The following B4GALT5 variants were observed in gnomAD, a reference collection of about 807,000 sequenced individuals.
B4GALT5 encodes beta-1,4-galactosyltransferase 5, also known as UDP-Gal:beta-GlcNAc beta-1,4-galactosyltransferase 5.
Under a neutral mutation model 45.0 loss-of-function variants are expected in B4GALT5, and 11 were observed. The observed-to-expected ratio is 0.24, with a 90% CI of 0.15 to 0.40. The LOEUF (loss-of-function observed/expected upper bound fraction) is 0.40, where lower values mean the gene tolerates loss of function less well. B4GALT5 is among the 10% of genes least tolerant of loss of function. The pLI is 1.00. For missense variants in B4GALT5, 337 were observed against 500.2 expected, an observed-to-expected ratio of 0.67 and a Z score of 3.11; for synonymous variants, 185 against 182.9, an observed-to-expected ratio of 1.01 and a Z score of -0.09.
chr20:49,673,667 G>A (rs1470063034), intron 1 of B4GALT5, among the ~76,000 whole-genome samples: 1 of 152,138 alleles, frequency 6.6e-6, no homozygotes, highest in African/African-American at 2.4e-5. Context: ...ATCAAGTATT[G>A]AAAAGATTAT....
At chr20:49,639,082 G>C (rs2085565351) in intron 7 of B4GALT5, among the ~76,000 whole-genome samples, 1 of 152,038 alleles carries the variant, frequency 6.6e-6, no homozygotes, top group African/African-American at 2.4e-5. Context: ...TTAAATTACT[G>C]TTCACTTGCC....
chr20:49,640,676 C>A lies in B4GALT5; in HGVS notation c.607-11G>T. 1 of 1,578,830 alleles carries A rather than the reference C, an allele frequency of 6.3e-7. No individual in the cohort carries two copies. The highest frequency in any genetic ancestry group is 8.6e-7 in the Non-Finnish European group (1 of 1,167,708). ...GGGTTGGGTACCAACCTAAAAGAAA[C>A]AGAACTTTATCTTTAAAAGAATCTT... is the stretch of plus-strand genomic sequence containing the variant. On this transcript the variant is annotated splice_polypyrimidine_tract_variant and intron_variant, in intron 5 of 8. Transcript: ENST00000371711.
chr20:49,633,715 T>C lies in B4GALT5; in HGVS notation c.*2597A>G, dbSNP rs1386684009. 1.3e-5 allele frequency: 2 copies of C among 152,290 alleles called. No individual in the cohort carries two copies. The highest frequency in any genetic ancestry group is 4.8e-5 in the African/African-American group (2 of 41,456). 9.4% of individuals were successfully genotyped at this position (152,290 alleles called of 1,614,324 possible). A position where few individuals can be genotyped will look rare whatever the true frequency, so the allele number is the denominator to read the frequency against. Reference sequence around the variant, plus strand: ...CCTTTTGCCAACAGTGTGTACTTGATGGTAATTATGGCAACATAGAGCTTC... The same window carrying C: ...CCTTTTGCCAACAGTGTGTACTTGACGGTAATTATGGCAACATAGAGCTTC... On this transcript the variant is annotated 3_prime_UTR_variant, in exon 9 of 9. Coordinates refer to ENST00000371711, the MANE Select transcript of B4GALT5 (RefSeq NM_004776.4).
chr20:49,710,242 AAATATAAGTCC>A (rs1366130348), intron 1 of B4GALT5, among the ~76,000 whole-genome samples: 1 of 152,238 alleles, frequency 6.6e-6, no homozygotes, highest in Non-Finnish European at 1.5e-5. Context: ...ACCTAGAAGG[AAATATAAGTCC>A]AATAATTCCA....
intron 1 of B4GALT5, 101 bp from the exon 2 acceptor site, chr20:49,656,803 A>C: frequency 6.7e-7 from 1 of 1,490,590 alleles, no homozygotes; most frequent in Non-Finnish European, 9.2e-7. Flanking sequence ...TGGACTTTTA[A>C]AGCCTCTTTT....
intron 2 of B4GALT5, among the ~76,000 whole-genome samples, chr20:49,649,929 G>A (rs550489068): frequency 5.9e-5 from 9 of 152,218 alleles, no homozygotes; most frequent in Middle Eastern, 6.8e-3. Context: ...ATTCCCAAAA[G>A]TATTACACTA....
intron 1 of B4GALT5, among the ~76,000 whole-genome samples, chr20:49,709,646 A>G (rs2146364438): frequency 6.6e-6 from 1 of 152,106 alleles, no homozygotes; most frequent in Non-Finnish European, 1.5e-5. Context: ...GCAAGCGCCT[A>G]TAATCCCAGC....
chr20:49,711,423 C>T (rs1414605101), intron 1 of B4GALT5, among the ~76,000 whole-genome samples: 2 of 152,174 alleles, frequency 1.3e-5, no homozygotes, highest in African/African-American at 4.8e-5. Context: ...GGGTGATTAC[C>T]ATCCCAGTGG....
intron 7 of B4GALT5, among the ~76,000 whole-genome samples, chr20:49,639,347 T>A (rs1414480792): frequency 6.6e-6 from 1 of 151,758 alleles, no homozygotes; most frequent in Non-Finnish European, 1.5e-5. Flanking sequence ...TTCTAAAAAC[T>A]TGGATGTGTG....
chr20:49,693,663 A>G (rs1000679697), intron 1 of B4GALT5, among the ~76,000 whole-genome samples: 3 of 152,238 alleles, frequency 2.0e-5, no homozygotes, highest in Non-Finnish European at 4.4e-5. Context: ...TCATCAAGAA[A>G]CAAGCTTACT....
At chr20:49,675,937 G>A (rs2085735273) in intron 1 of B4GALT5, among the ~76,000 whole-genome samples, 1 of 152,104 alleles carries the variant, frequency 6.6e-6, no homozygotes, top group Non-Finnish European at 1.5e-5. Flanking sequence ...GCTGCACTAT[G>A]AGGCTACACT....
intron 1 of B4GALT5, among the ~76,000 whole-genome samples, chr20:49,680,977 T>G (rs1327477566): frequency 6.6e-6 from 1 of 151,954 alleles, no homozygotes; most frequent in Non-Finnish European, 1.5e-5. Flanking sequence ...TCCAGCACTT[T>G]GGGGAGGCTG....
At chr20:49,653,149 A>G (rs1237158243) in intron 2 of B4GALT5, among the ~76,000 whole-genome samples, 1 of 152,232 alleles carries the variant, frequency 6.6e-6, no homozygotes, top group East Asian at 1.9e-4. Flanking sequence ...ATTTTGGAAT[A>G]TCTGCATTAT....
At chr20:49,684,687 G>C (rs890828863) in intron 1 of B4GALT5, 1 of 515,010 alleles carries the variant, frequency 1.9e-6, no homozygotes, top group Non-Finnish European at 3.9e-6. Context: ...CATACCTGCA[G>C]ACTTAAACGA....
At chr20:49,679,504 TA>T (rs397953588) in intron 1 of B4GALT5, among the ~76,000 whole-genome samples, 351 of 141,608 alleles carry the variant, frequency 2.5e-3, no homozygotes, top group Admixed American at 2.3e-3. Context: ...CCGTCTCTAC[TA>T]AAAAAAAAAA....
chr20:49,659,382 G>A (rs772222076), intron 1 of B4GALT5, among the ~76,000 whole-genome samples: 5 of 152,180 alleles, frequency 3.3e-5, no homozygotes, highest in Non-Finnish European at 7.3e-5. Flanking sequence ...GAAGCTTTCA[G>A]TACCGTGTCA....
chr20:49,662,819 T>C (rs1007006432), intron 1 of B4GALT5, among the ~76,000 whole-genome samples: 2 of 152,218 alleles, frequency 1.3e-5, no homozygotes, highest in African/African-American at 2.4e-5. Context: ...TGCAATAATA[T>C]TTGTAGTAGA....
chr20:49,677,230 T>A (rs997825026), intron 1 of B4GALT5, among the ~76,000 whole-genome samples: 1 of 151,622 alleles, frequency 6.6e-6, no homozygotes, highest in Admixed American at 6.6e-5. Context: ...ACATACAAAC[T>A]GAAGTACAAG....
chr20:49,661,763 G>A lies in B4GALT5; in HGVS notation c.116-5061C>T, dbSNP rs76739777. Among the ~76,000 whole-genome samples, 1,420 of 152,236 alleles carry A rather than the reference G, an allele frequency of 9.3e-3. 24 individuals are homozygous for A. The highest frequency in any genetic ancestry group is 0.032 in the African/African-American group (1,319 of 41,536). On this transcript the variant is annotated intron_variant, in intron 1 of 8. Transcript: ENST00000371711. Reference sequence around the variant, plus strand: ...ACGCTGAATAGATGAGTAATGTATAGACAAAATTCAACAAATTACAATGCA... The same window carrying A: ...ACGCTGAATAGATGAGTAATGTATAAACAAAATTCAACAAATTACAATGCA...
Sources: gnomAD v4.1 joint callset for allele counts (sites outside exome capture counted in the v4.1 genomes callset) on GRCh38, gnomAD v4.1.1 for gene constraint, MANE v1.5 for transcripts, NCBI Gene and HGNC (gene_info 2026-07-23, HGNC 2026-07-21) for gene names.